The following AKAP9 variants were observed in gnomAD, a reference collection of about 807,000 sequenced individuals.
AKAP9 encodes the protein A-kinase anchoring protein 9.
AKAP9 carries 311 observed loss-of-function variants against 488.5 expected under a neutral mutation model. The ratio of observed to expected loss-of-function variants is 0.64; its 90% confidence interval spans 0.58 to 0.70. The LOEUF (loss-of-function observed/expected upper bound fraction) is 0.70. AKAP9 is among the 30% of genes least tolerant of loss of function. The pLI is 0.00. For missense variants in AKAP9, 4,215 were observed against 4,374.5 expected, an observed-to-expected ratio of 0.96 and a Z score of 1.03; for synonymous variants, 1,462 against 1,483.5, an observed-to-expected ratio of 0.99 and a Z score of 0.33.
chr7:92,078,656 T>C (rs886149130), intron 30 of AKAP9, among the ~76,000 whole-genome samples: 19 of 152,224 alleles, frequency 1.2e-4, no homozygotes, highest in Admixed American at 9.8e-4. Flanking sequence ...GTCATAGGAT[T>C]CTAATGTTTT....
chr7:92,039,201 G>T (rs2130778421), intron 17 of AKAP9, among the ~76,000 whole-genome samples: 1 of 152,298 alleles, frequency 6.6e-6, no homozygotes, highest in Admixed American at 6.5e-5. Context: ...ACCGTGCCCA[G>T]CCAGTTCACA....
intron 38 of AKAP9, chr7:92,089,842 T>C (rs970124775): frequency 1.0e-5 from 2 of 194,702 alleles, no homozygotes; most frequent in Non-Finnish European, 2.1e-5. Context: ...AAACAGAAAA[T>C]ACTCTTTAGA....
chr7:91,972,546 C>T (rs1021815867), intron 1 of AKAP9, among the ~76,000 whole-genome samples: 2 of 152,170 alleles, frequency 1.3e-5, no homozygotes, highest in African/African-American at 4.8e-5. Flanking sequence ...AGAGTTTTTT[C>T]ACTTCTCCAT....
At chr7:92,080,790 C>T (rs1033167802) in intron 31 of AKAP9, among the ~76,000 whole-genome samples, 50 of 152,082 alleles carry the variant, frequency 3.3e-4, no homozygotes, top group Admixed American at 3.3e-4. Flanking sequence ...TGATTAGTTA[C>T]AGTTAGGTGT....
intron 1 of AKAP9, among the ~76,000 whole-genome samples, chr7:91,966,474 A>G (rs191545083): frequency 3.3e-5 from 5 of 152,330 alleles, no homozygotes; most frequent in East Asian, 1.9e-4. Flanking sequence ...TATATGGTCT[A>G]TTCTGGAGAA....
chr7:92,099,713 T>C lies in AKAP9; in HGVS notation c.10740T>C (p.Ser3580=), dbSNP rs538975882. The C allele has an allele frequency of 1.2e-6, 2 of 1,614,120 alleles. No individual in the cohort carries two copies. Among genetic ancestry groups the C allele is most frequent in the East Asian group, 2.2e-5 (1 of 44,872 alleles). ...CCAGCTTGGTGTCCCCAAGTACTTCTTGTGGCTCATTGACTGAAAGACTAC... is the reference window on the plus strand; with the variant it reads ...CCAGCTTGGTGTCCCCAAGTACTTCCTGTGGCTCATTGACTGAAAGACTAC... ...EEPSLVSPST[S]CGSLTERLLR... The change falls in exon 44 of 50, where the codon TCT becomes TCC. Residue 3580 remains serine, a synonymous_variant. Coordinates refer to ENST00000356239, the MANE Select transcript of AKAP9 (RefSeq NM_005751.5).
chr7:92,007,278 ATTCTTTTTTTT>A (rs1337943124), intron 8 of AKAP9, among the ~76,000 whole-genome samples: 2 of 136,528 alleles, frequency 1.5e-5, no homozygotes, highest in African/African-American at 2.7e-5. Context: ...GAGAACTGAA[ATTCTTTTTTTT>A]TTTTTTTTTT....
intron 1 of AKAP9, among the ~76,000 whole-genome samples, chr7:91,943,661 A>G (rs956888920): frequency 1.3e-5 from 2 of 152,250 alleles, no homozygotes; most frequent in African/African-American, 2.4e-5. Flanking sequence ...TACTATTGAT[A>G]TTAATGCACC....
At chr7:91,989,078 A>G (rs1797458558) in intron 3 of AKAP9, among the ~76,000 whole-genome samples, 1 of 152,198 alleles carries the variant, frequency 6.6e-6, no homozygotes, top group Non-Finnish European at 1.5e-5. Flanking sequence ...TAAATTGCTC[A>G]TCACTAGAAA....
At chr7:92,026,655 A>G (rs1803205863) in intron 14 of AKAP9, among the ~76,000 whole-genome samples, 1 of 152,168 alleles carries the variant, frequency 6.6e-6, no homozygotes, top group African/African-American at 2.4e-5. Flanking sequence ...CCCAGGCTGG[A>G]GTGCGTGGCG....
At chr7:92,095,319 C>G (rs1246751194) in intron 40 of AKAP9, 146 bp downstream of exon 40, 1 of 917,580 alleles carries the variant, frequency 1.1e-6, no homozygotes, top group Non-Finnish European at 1.7e-6. Context: ...CTACATAAAC[C>G]GTATTATGAG....
chr7:92,098,946 A>G (rs1817089593), intron 43 of AKAP9, among the ~76,000 whole-genome samples: 1 of 152,096 alleles, frequency 6.6e-6, no homozygotes, highest in African/African-American at 2.4e-5. Context: ...TATATTTTCA[A>G]TTAGTTACTA....
rs376950905 is a variant in AKAP9, at chr7:92,065,299, C to T, written c.6046C>T (p.Arg2016Cys). The change falls in exon 25 of 50, where the codon CGT becomes TGT. Residue 2016 changes from arginine (R) to cysteine (C), a missense_variant. Around this residue, in one of 5 missense-constraint regions of AKAP9, gnomAD observed 2,361 missense variants for 2,430.0 expected, o/e 0.97. Coordinates refer to ENST00000356239, the MANE Select transcript of AKAP9 (RefSeq NM_005751.5). ...LEVQCQAEKV[R>C]DDLQKQVKAL... ...AGTACAATGTCAAGCTGAAAAAGTA[C>T]GTGATGACCTTCAAAAACAAGTGAA... is the stretch of plus-strand genomic sequence containing the variant. The T allele has an allele frequency of 3.8e-5, 62 of 1,612,618 alleles. No homozygotes were observed. In the Admixed American group the frequency reaches 7.2e-4, roughly 19 times the overall value.
chr7:92,087,647 G>T (rs188753716), intron 37 of AKAP9, among the ~76,000 whole-genome samples: 1 of 151,916 alleles, frequency 6.6e-6, no homozygotes, highest in African/African-American at 2.4e-5. Context: ...TAGAACTGAT[G>T]ATTCTAGGGA....
At chr7:91,980,017 A>T (rs1053250191) in intron 2 of AKAP9, among the ~76,000 whole-genome samples, 7 of 152,208 alleles carry the variant, frequency 4.6e-5, no homozygotes, top group Non-Finnish European at 1.0e-4. Flanking sequence ...CTTTTGGCTT[A>T]CAAATGATAT....
intron 7 of AKAP9, among the ~76,000 whole-genome samples, chr7:91,997,090 C>G (rs1798492853): frequency 6.6e-6 from 1 of 152,134 alleles, no homozygotes; most frequent in South Asian, 2.1e-4. Flanking sequence ...AGGGAATGTA[C>G]AAATTGAAGA....
intron 24 of AKAP9, among the ~76,000 whole-genome samples, chr7:92,064,936 A>G (rs1584392282): frequency 6.9e-6 from 1 of 144,620 alleles, no homozygotes; most frequent in African/African-American, 2.5e-5. Flanking sequence ...GTAAAAATAG[A>G]TTTTTTTTTT....
intron 4 of AKAP9, among the ~76,000 whole-genome samples, chr7:91,992,661 CAAAA>C (rs770870521): frequency 6.4e-5 from 3 of 46,628 alleles, no homozygotes; most frequent in Non-Finnish European, 8.9e-5. Context: ...AAGACTCTGT[CAAAA>C]AAAAAAAAAA....
At position 92,061,584 on chromosome 7, in the gene AKAP9, C is replaced by CTATA. The variant is rs71528033; in HGVS notation, c.5764+195_5764+198dup. ...GAGTTCCTCCAAGCAATTTTTAAAACTATATATATATATATATATATATAT... is the reference window on the plus strand; with the variant it reads ...GAGTTCCTCCAAGCAATTTTTAAAACTATATATATATATATATATATATATATAT... On this transcript the variant is annotated intron_variant, in intron 23 of 49. Transcript: ENST00000356239. Among the ~76,000 whole-genome samples, 4,966 of 102,156 alleles carry CTATA rather than the reference C, an allele frequency of 0.049. 197 individuals carry two copies. Among genetic ancestry groups the CTATA allele is most frequent in the East Asian group, 0.12 (321 of 2,594 alleles). The allele number at this position is 102,156 out of a possible 152,430, so 67.0% of individuals were successfully genotyped here.
Sources: allele counts gnomAD v4.1 joint callset (sites outside exome capture counted in the v4.1 genomes callset), GRCh38; gene constraint gnomAD v4.1.1; regional missense constraint gnomAD v4.1.1; transcripts MANE v1.5; gene names NCBI Gene and HGNC (gene_info 2026-07-23, HGNC 2026-07-21).